NAALADL2: variants seen among roughly 807,000 people sequenced by gnomAD.
NAALADL2 encodes the protein N-acetylated alpha-linked acidic dipeptidase like 2.
NAALADL2 carries 76 observed loss-of-function variants against 87.2 expected under a neutral mutation model. The observed-to-expected ratio is 0.87, with a 90% CI of 0.72 to 1.05. The LOEUF is 1.05. Ranked by LOEUF, NAALADL2 falls within the 50% of genes least tolerant of loss-of-function variation. NAALADL2 has a pLI of 0.00. For missense variants in NAALADL2, 1,089 were observed against 945.8 expected (o/e 1.15, Z -1.99); for synonymous variants, 354 against 331.0 (o/e 1.07, Z -0.75).
chr3:175,604,215 A>C (rs77609627), intron 10 of NAALADL2, among the ~76,000 whole-genome samples: 1 of 151,904 alleles, frequency 6.6e-6, no homozygotes, highest in Non-Finnish European at 1.5e-5. Context: ...TGATATTTTC[A>C]TAGTTATATT....
At chr3:174,879,059 CAAAACAACAT>C (rs1728871178) in intron 1 of NAALADL2, among the ~76,000 whole-genome samples, 1 of 151,716 alleles carries the variant, frequency 6.6e-6, no homozygotes, top group African/African-American at 2.4e-5. Flanking sequence ...CAGGACAAGC[CAAAACAACAT>C]TGTATTTTTC....
At position 174,764,659 on chromosome 3, in the gene NAALADL2, T is replaced by C. The variant is rs542540330; in HGVS notation, c.-9+26913T>C. ...AAATAAAAAGCAAACAAAACAAATATCACACTGCTATTTGAAGATCAAGAT... is the reference window on the plus strand; with the variant it reads ...AAATAAAAAGCAAACAAAACAAATACCACACTGCTATTTGAAGATCAAGAT... On this transcript the variant is annotated intron_variant, in intron 3 of 3. Coordinates refer to the NAALADL2 transcript ENST00000434257. Among the ~76,000 whole-genome samples the C allele has an allele frequency of 2.0e-5, 3 of 152,174 alleles. No individual in the cohort carries two copies. In the South Asian group the frequency reaches 6.2e-4, roughly 32 times the overall value.
chr3:174,780,581 C>T (rs1459715473), intron 3 of NAALADL2, among the ~76,000 whole-genome samples: 1 of 152,082 alleles, frequency 6.6e-6, no homozygotes, highest in Non-Finnish European at 1.5e-5. Context: ...GGAATGCTTC[C>T]AGCTTTTGCC....
chr3:174,497,475 A>AAG (rs1560015926), intron 1 of NAALADL2, among the ~76,000 whole-genome samples: 1 of 151,478 alleles, frequency 6.6e-6, no homozygotes, highest in African/African-American at 2.4e-5. Context: ...TTTAAAAAGA[A>AAG]GAAGCGAAAA....
At chr3:174,846,492 T>C (rs996909447) in intron 3 of NAALADL2, among the ~76,000 whole-genome samples, 1 of 152,218 alleles carries the variant, frequency 6.6e-6, no homozygotes, top group African/African-American at 2.4e-5. Context: ...AAATTTTGTA[T>C]GCCACATAAT....
chr3:174,676,050 A>G (rs918710786), intron 2 of NAALADL2, among the ~76,000 whole-genome samples: 1 of 152,046 alleles, frequency 6.6e-6, no homozygotes, highest in African/African-American at 2.4e-5. Context: ...GAACTAGAAA[A>G]TTGTCATCTA....
chr3:174,911,070 C>T lies in NAALADL2; in HGVS notation c.43+51620C>T, dbSNP rs1733631514. Among the ~76,000 whole-genome samples the T allele has an allele frequency of 3.3e-5, 5 of 152,246 alleles. No individual in the cohort carries two copies. In the South Asian group the frequency reaches 1.0e-3, roughly 32 times the overall value. Reference sequence around the variant, plus strand: ...ATGCTTGATGCACTAAACCACAAATCAGTGCAATGGAATTGCCATCCCCCA... The same window carrying T: ...ATGCTTGATGCACTAAACCACAAATTAGTGCAATGGAATTGCCATCCCCCA... On this transcript the variant is annotated intron_variant, in intron 1 of 13. Coordinates refer to ENST00000454872, the MANE Select transcript of NAALADL2 (RefSeq NM_207015.3).
chr3:175,482,060 T>C (rs1238447813), intron 9 of NAALADL2, among the ~76,000 whole-genome samples: 4 of 90,346 alleles, frequency 4.4e-5, no homozygotes, highest in Admixed American at 1.4e-4. Context: ...TACAGTACTA[T>C]TGGGAAAAAA....
chr3:175,552,629 A>G (rs1418344475), intron 9 of NAALADL2, among the ~76,000 whole-genome samples: 1 of 152,134 alleles, frequency 6.6e-6, no homozygotes, highest in Non-Finnish European at 1.5e-5. Context: ...TTACAGTGCT[A>G]TGTTGGAAGC....
intron 3 of NAALADL2, among the ~76,000 whole-genome samples, chr3:175,254,937 T>G (rs1749669237): frequency 6.6e-6 from 1 of 152,214 alleles, no homozygotes; most frequent in Admixed American, 6.5e-5. Context: ...TTTAGAGATA[T>G]TGTATGAGCT....
chr3:175,395,953 T>C (rs764193580), intron 5 of NAALADL2, among the ~76,000 whole-genome samples: 10 of 152,166 alleles, frequency 6.6e-5, no homozygotes, highest in Admixed American at 4.6e-4. Flanking sequence ...TTACCAAGCA[T>C]TGGAACAAAG....
chr3:175,088,098 G>A (rs1201237519), intron 1 of NAALADL2, among the ~76,000 whole-genome samples: 1 of 151,936 alleles, frequency 6.6e-6, no homozygotes. Flanking sequence ...ATGATCTTTA[G>A]TTTATAAGGA....
chr3:175,627,405 C>A lies in NAALADL2; in HGVS notation c.1896+19C>A. 7.0e-7 allele frequency: 1 copy of A among 1,425,490 alleles called. No homozygotes were observed. Among genetic ancestry groups the A allele is most frequent in the Non-Finnish European group, 9.6e-7 (1 of 1,040,102 alleles). The allele number at this position is 1,425,490 out of a possible 1,614,324, so 88.3% of individuals were successfully genotyped here. ...TACTAAGGTAGGGGAGAAATGCATT[C>A]AAAAATAGGTGAGAAATATTTGTTC... On this transcript the variant is annotated intron_variant, in intron 11 of 13. Coordinates refer to ENST00000454872, the MANE Select transcript of NAALADL2 (RefSeq NM_207015.3).
chr3:174,918,348 C>A (rs1734691408), intron 1 of NAALADL2, among the ~76,000 whole-genome samples: 1 of 152,014 alleles, frequency 6.6e-6, no homozygotes, highest in African/African-American at 2.4e-5. Flanking sequence ...ACTCTTGGTG[C>A]AAACTTGAAG....
chr3:174,445,366 A>G (rs2108261751), intron 1 of NAALADL2, among the ~76,000 whole-genome samples: 1 of 152,238 alleles, frequency 6.6e-6, no homozygotes, highest in Non-Finnish European at 1.5e-5. Flanking sequence ...CATACAAAAG[A>G]TTAGGAGTTA....
At chr3:174,614,974 T>C (rs922240884) in intron 2 of NAALADL2, among the ~76,000 whole-genome samples, 1 of 152,184 alleles carries the variant, frequency 6.6e-6, no homozygotes, top group African/African-American at 2.4e-5. Flanking sequence ...TAGCCAACAA[T>C]TAGAAACCTA....
intron 2 of NAALADL2, among the ~76,000 whole-genome samples, chr3:175,133,537 C>T (rs1249317042): frequency 6.6e-6 from 1 of 152,220 alleles, no homozygotes; most frequent in Admixed American, 6.5e-5. Context: ...CCGGTCAACA[C>T]AGCGAAACCC....
intron 5 of NAALADL2, among the ~76,000 whole-genome samples, chr3:175,438,394 T>TA (rs978830859): frequency 6.6e-6 from 1 of 152,064 alleles, no homozygotes; most frequent in Non-Finnish European, 1.5e-5. Context: ...TGAGCTAAAA[T>TA]AAAAATGAAA....
intron 1 of NAALADL2, among the ~76,000 whole-genome samples, chr3:175,056,961 T>G (rs542218751): frequency 1.3e-5 from 2 of 152,322 alleles, no homozygotes; most frequent in East Asian, 3.9e-4. Context: ...TCAGAGATTT[T>G]GTTTATGGCC....
Sources: allele counts gnomAD v4.1 joint callset (sites outside exome capture counted in the v4.1 genomes callset), GRCh38; gene constraint gnomAD v4.1.1; transcripts MANE v1.5; gene names NCBI Gene and HGNC (gene_info 2026-07-23, HGNC 2026-07-21).